PPARG: variants seen among roughly 807,000 people sequenced by gnomAD.
The protein encoded by PPARG is peroxisome proliferator-activated receptor gamma.
A neutral mutation model predicts 39.2 loss-of-function variants in PPARG; 17 were observed. The ratio of observed to expected loss-of-function variants is 0.43; its 90% CI spans 0.30 to 0.65. PPARG has a LOEUF of 0.65. PPARG is among the 30% of genes least tolerant of loss of function. The pLI, the probability that PPARG is intolerant of heterozygous loss-of-function variation, is 0.13. For synonymous variants in PPARG, 223 were observed against 215.7 expected, an observed-to-expected ratio of 1.03 and a Z score of -0.30; for missense variants, 406 against 585.9, an observed-to-expected ratio of 0.69 and a Z score of 3.17.
chr3:12,395,738 C>G (rs4135268), intron 5 of PPARG, among the ~76,000 whole-genome samples: 9,733 of 152,252 alleles, frequency 0.064, 383 homozygotes, highest in Admixed American at 0.1. Flanking sequence ...AACAACCCAT[C>G]ATTTCTGGAC....
intron 1 of PPARG, among the ~76,000 whole-genome samples, chr3:12,303,737 AAGTG>A (rs1225066503): frequency 6.6e-6 from 1 of 152,244 alleles, no homozygotes; most frequent in African/African-American, 2.4e-5. Context: ...ATTTGTGAGA[AAGTG>A]AGTGCTTCGT....
intron 6 of PPARG, among the ~76,000 whole-genome samples, chr3:12,411,932 T>C (rs2050893247): frequency 6.6e-6 from 1 of 152,192 alleles, no homozygotes; most frequent in South Asian, 2.1e-4. Flanking sequence ...AAGAATTCAG[T>C]GTCTTTCCCT....
intron 2 of PPARG, among the ~76,000 whole-genome samples, chr3:12,315,184 G>A (rs776399827): frequency 3.3e-5 from 5 of 151,940 alleles, no homozygotes; most frequent in Admixed American, 6.6e-5. Context: ...TTTAAACTTC[G>A]CATATGAGTG....
At chr3:12,393,459 A>T (rs150774730) in intron 5 of PPARG, among the ~76,000 whole-genome samples, 1,609 of 152,236 alleles carry the variant, frequency 0.011, 17 homozygotes, top group Non-Finnish European at 0.018. Context: ...TGATCTGTGG[A>T]ACTAACTCAG....
intron 3 of PPARG, 35 bp downstream of exon 3, chr3:12,379,966 G>A: frequency 6.6e-7 from 1 of 1,519,616 alleles, no homozygotes; most frequent in Non-Finnish European, 9.1e-7. Context: ...AGACTACTAG[G>A]ACTAGAATTG....
At chr3:12,417,891 T>TCC (rs1559533722) in intron 7 of PPARG, among the ~76,000 whole-genome samples, 3 of 99,784 alleles carry the variant, frequency 3.0e-5, no homozygotes, top group African/African-American at 1.1e-4. Flanking sequence ...TTTTTTTCTT[T>TCC]TTTTTTTTTC....
rs182130738 is a variant in PPARG at position 12,320,487 on chromosome 3, C to G, written c.-9+8034C>G. On this transcript the variant is annotated intron_variant, in intron 2 of 7. Transcript: ENST00000651735. Reference sequence around the variant, plus strand: ...ATTTGTTGAAAGTACTTAGATATTTCTGCATTTATTTATTTCTGTTTCAGA... The same window carrying G: ...ATTTGTTGAAAGTACTTAGATATTTGTGCATTTATTTATTTCTGTTTCAGA... Among the ~76,000 whole-genome samples the G allele has an allele frequency of 1.3e-3, 202 of 152,270 alleles. 2 individuals are homozygous for G. Among genetic ancestry groups the G allele is most frequent in the Admixed American group, 0.012 (191 of 15,284 alleles).
Position 12,395,183 on chromosome 3 carries a change from A to G in PPARG, c.529+2431A>G, listed in dbSNP as rs939348460. ...CTTTGAAAATTCTATGATTCTGTAT[A>G]ATCAAACAACCTAACTCACTGGATT... On this transcript the variant is annotated intron_variant, in intron 5 of 7. Transcript: ENST00000651735. Among the ~76,000 whole-genome samples the G allele has an allele frequency of 7.9e-5, 12 of 152,134 alleles. No individual in the cohort carries two copies. In the South Asian group the frequency reaches 2.5e-3, roughly 31 times the overall value.
chr3:12,313,785 A>G (rs1360042945), intron 2 of PPARG, among the ~76,000 whole-genome samples: 1 of 152,224 alleles, frequency 6.6e-6, no homozygotes, highest in Non-Finnish European at 1.5e-5. Context: ...ATTGAATTAT[A>G]ATCTGATTTA....
At chr3:12,337,186 T>C (rs2048037480) in intron 2 of PPARG, among the ~76,000 whole-genome samples, 1 of 152,220 alleles carries the variant, frequency 6.6e-6, no homozygotes, top group African/African-American at 2.4e-5. Flanking sequence ...AATATCTCAT[T>C]GTGTTACAGC....
intron 5 of PPARG, among the ~76,000 whole-genome samples, chr3:12,397,688 G>T (rs1192162191): frequency 6.6e-6 from 1 of 152,002 alleles, no homozygotes; most frequent in Non-Finnish European, 1.5e-5. Flanking sequence ...GGGATTACAG[G>T]CGTGAGCCAC....
At chr3:12,433,822 C>A in intron 7 of PPARG, 76 bp from the exon 8 acceptor site, 2 of 1,604,126 alleles carry the variant, frequency 1.2e-6, no homozygotes, top group Non-Finnish European at 1.7e-6. Flanking sequence ...GGTAGAGCTG[C>A]CTAGGCCTCC....
chr3:12,384,985 A>T (rs777307858), intron 4 of PPARG, among the ~76,000 whole-genome samples: 12 of 152,182 alleles, frequency 7.9e-5, no homozygotes, highest in Non-Finnish European at 1.8e-4. Context: ...TTCTGAAGAA[A>T]TGCAGTTACT....
intron 2 of PPARG, among the ~76,000 whole-genome samples, chr3:12,377,288 A>G (rs753550455): frequency 6.5e-4 from 99 of 151,928 alleles, no homozygotes; most frequent in Non-Finnish European, 1.3e-3. Flanking sequence ...TCTTGTTTCT[A>G]TCTCTGTTTT....
Position 12,368,429 on chromosome 3 carries a change from A to G in PPARG, c.-8-11275A>G, listed in dbSNP as rs371922248. Among the ~76,000 whole-genome samples, 36 of 151,890 alleles carry G rather than the reference A, an allele frequency of 2.4e-4. No homozygotes were observed. In the East Asian group the frequency reaches 4.6e-3, roughly 20 times the overall value. ...ACTCCTGACCTCAGGTGATCCTCCC[A>G]CCTTGTCTTCCCAAAGTGCTGGGAT... On this transcript the variant is annotated intron_variant, in intron 2 of 7. Coordinates refer to ENST00000651735, the MANE Select transcript of PPARG (RefSeq NM_138711.6).
intron 2 of PPARG, among the ~76,000 whole-genome samples, chr3:12,339,174 A>G (rs976861800): frequency 4.6e-5 from 7 of 152,100 alleles, no homozygotes; most frequent in African/African-American, 1.7e-4. Flanking sequence ...CCTCCAAAAC[A>G]TTATGCTAAG....
At chr3:12,378,958 C>T (rs1284955717) in intron 2 of PPARG, among the ~76,000 whole-genome samples, 1 of 151,810 alleles carries the variant, frequency 6.6e-6, no homozygotes. Context: ...CATTGAATAC[C>T]TTAAGTGTTT....
intron 6 of PPARG, among the ~76,000 whole-genome samples, chr3:12,413,604 T>G (rs1229871165): frequency 6.7e-6 from 1 of 150,056 alleles, no homozygotes; most frequent in Non-Finnish European, 1.5e-5. Flanking sequence ...AGGCCAGGAG[T>G]TCAAGACCAG....
chr3:12,426,223 T>C (rs912395520), intron 7 of PPARG, among the ~76,000 whole-genome samples: 5 of 152,226 alleles, frequency 3.3e-5, no homozygotes, highest in African/African-American at 4.8e-5. Context: ...CAATTAAATG[T>C]GAAACTGTTA....
Sources: allele counts gnomAD v4.1 joint callset (sites outside exome capture counted in the v4.1 genomes callset), GRCh38; gene constraint gnomAD v4.1.1; transcripts MANE v1.5; gene names NCBI Gene and HGNC (gene_info 2026-07-23, HGNC 2026-07-21).